The following CPPED1 variants were observed in gnomAD, a reference collection of about 807,000 sequenced individuals.
CPPED1 encodes calcineurin like phosphoesterase domain containing 1.
Under a neutral mutation model 28.0 loss-of-function variants are expected in CPPED1, and 28 were observed. That is an observed-to-expected ratio of 1.00 (90% CI 0.74 to 1.37). The LOEUF (loss-of-function observed/expected upper bound fraction) is 1.37. Ranked by LOEUF, CPPED1 falls within the 40% of genes most tolerant of loss-of-function variation. CPPED1 has a pLI of 0.00. For missense variants in CPPED1, 504 were observed against 416.5 expected, an observed-to-expected ratio of 1.21 and a Z score of -1.83; for synonymous variants, 198 against 180.2, an observed-to-expected ratio of 1.10 and a Z score of -0.79.
intron 2 of CPPED1, among the ~76,000 whole-genome samples, chr16:12,730,654 C>T (rs2080192441): frequency 6.6e-6 from 1 of 152,198 alleles, no homozygotes; most frequent in Non-Finnish European, 1.5e-5. Flanking sequence ...ACAGATGAAT[C>T]TCAGACATCA....
chr16:12,751,825 T>C (rs1384760882), intron 2 of CPPED1, among the ~76,000 whole-genome samples: 2 of 152,226 alleles, frequency 1.3e-5, no homozygotes, highest in African/African-American at 4.8e-5. Context: ...TGGTGTTTTT[T>C]TATGCTTTTC....
intron 2 of CPPED1, among the ~76,000 whole-genome samples, chr16:12,771,648 A>C (rs577458527): frequency 2.6e-5 from 4 of 152,362 alleles, no homozygotes; most frequent in Admixed American, 6.5e-5. Flanking sequence ...GTCTTGTACC[A>C]GAATTATGTT....
In CPPED1 at chr16:12,709,306, C is replaced by T. The variant is rs2080067770; in HGVS notation, c.290-4257G>A. 6.6e-6 allele frequency among the ~76,000 whole-genome samples: 1 copy of T among 152,034 alleles called. No homozygotes were observed. The highest frequency in any genetic ancestry group is 6.6e-5 in the Admixed American group (1 of 15,254). On this transcript the variant is annotated intron_variant, in intron 2 of 3. Coordinates refer to ENST00000381774, the MANE Select transcript of CPPED1 (RefSeq NM_018340.3). This position sits in a 1 kb window ranked among gnomAD's most constrained non-coding sequence, Gnocchi z 4.4. ...GGCAAGACATGACTCAGAAGAGGGG[C>T]AGAGAAGGATTGTTCTGGGGTCTCC...
intron 3 of CPPED1, among the ~76,000 whole-genome samples, chr16:12,688,079 C>G (rs11864667): frequency 0.015 from 2,245 of 150,956 alleles, 51 homozygotes; most frequent in African/African-American, 0.05. Context: ...TCCCAGGCTA[C>G]ACTGCAGTGG....
At chr16:12,719,340 G>A (rs1040804475) in intron 2 of CPPED1, among the ~76,000 whole-genome samples, 8 of 151,062 alleles carry the variant, frequency 5.3e-5, no homozygotes, top group Non-Finnish European at 8.8e-5. Flanking sequence ...GCAGTGAGCC[G>A]AGATAGCGCC....
chr16:12,720,037 CTG>C (rs1422531799), intron 2 of CPPED1, among the ~76,000 whole-genome samples: 8 of 152,190 alleles, frequency 5.3e-5, no homozygotes, highest in African/African-American at 1.7e-4. Context: ...ACACACCTAT[CTG>C]TTTTTATCAG....
chr16:12,681,921 G>A (rs373372641), intron 3 of CPPED1, among the ~76,000 whole-genome samples: 1 of 152,154 alleles, frequency 6.6e-6, no homozygotes, highest in East Asian at 1.9e-4. Context: ...GGGGCTAGAG[G>A]TGGCTGGCTG....
chr16:12,696,503 T>G (rs1461314473), intron 3 of CPPED1, among the ~76,000 whole-genome samples: 5 of 148,438 alleles, frequency 3.4e-5, no homozygotes, highest in Non-Finnish European at 7.4e-5. Context: ...TGCAGTGGCG[T>G]GATCTCGGCT....
chr16:12,739,425 C>T lies in CPPED1; in HGVS notation c.290-34376G>A, dbSNP rs111701595. ...TGAAACTCTGTCTCTACTAAAAATA[C>T]AAAATATTAGTTGGGCATGGTGGCA... On this transcript the variant is annotated intron_variant, in intron 2 of 3. Coordinates refer to ENST00000381774, the MANE Select transcript of CPPED1 (RefSeq NM_018340.3). Among the ~76,000 whole-genome samples, 1,000 of 152,110 alleles carry T rather than the reference C, an allele frequency of 6.6e-3. 5 individuals are homozygous for T. Among genetic ancestry groups the T allele is most frequent in the Middle Eastern group, 0.034 (10 of 294 alleles).
intron 2 of CPPED1, among the ~76,000 whole-genome samples, chr16:12,766,739 A>G (rs2080442119): frequency 1.3e-5 from 2 of 152,160 alleles, no homozygotes; most frequent in Non-Finnish European, 2.9e-5. Flanking sequence ...ACTGCACTCC[A>G]GCCTGGGTGA....
At chr16:12,757,640 C>A (rs924953996) in intron 2 of CPPED1, 1 of 137,036 alleles carries the variant, frequency 7.3e-6, no homozygotes, top group Admixed American at 8.5e-5. Context: ...CACTGGGGGC[C>A]TTAGCAGCGT....
At chr16:12,747,119 T>G (rs1422375831) in intron 2 of CPPED1, among the ~76,000 whole-genome samples, 1 of 151,838 alleles carries the variant, frequency 6.6e-6, no homozygotes, top group Non-Finnish European at 1.5e-5. Flanking sequence ...CATGGTAGGT[T>G]TGAATTCTAC....
Position 12,803,720 on chromosome 16 carries a change from G to T in CPPED1, c.57C>A (p.Ala19=), listed in dbSNP as rs1438960662. ...GGCGGGCAGTACCTGCGGGAAACGC[G>T]GCCAGGGTCCTGCCCCTGGCTCTGT... ...VFHRARGRTL[A]AFPAEKESEW... The change falls in exon 1 of 4, where the codon GCC becomes GCA. Residue 19 remains alanine, a synonymous_variant. Transcript: ENST00000381774. 1.3e-6 allele frequency: 2 copies of T among 1,581,048 alleles called. No individual in the cohort carries two copies. The highest frequency in any genetic ancestry group is 1.7e-6 in the Non-Finnish European group (2 of 1,165,152).
intron 2 of CPPED1, among the ~76,000 whole-genome samples, chr16:12,708,314 G>GT (rs2080062382): frequency 6.6e-6 from 1 of 152,092 alleles, no homozygotes; most frequent in Non-Finnish European, 1.5e-5. Flanking sequence ...ATGGCCTTAG[G>GT]TAAGTCCCTT....
rs147425897 is a variant in CPPED1, at chr16:12,664,444, C to T, written c.*442G>A. 317 of 1,007,902 alleles carry T rather than the reference C, an allele frequency of 3.1e-4. 3 individuals carry two copies. The African/African-American group carries it at 5.0e-3, about 16-fold the overall frequency. The allele number at this position is 1,007,902 out of a possible 1,614,324, so 62.4% of individuals were successfully genotyped here. A position where few individuals can be genotyped will look rare whatever the true frequency, so the allele number is the denominator to read the frequency against. ...AGGAGATGAACTTTGTTTTGCCTAG[C>T]GTTTTGGGAATCGTGACCACAATTT... On this transcript the variant is annotated 3_prime_UTR_variant, in exon 4 of 4. Coordinates refer to ENST00000381774, the MANE Select transcript of CPPED1 (RefSeq NM_018340.3). This position sits in a 1 kb window ranked among gnomAD's most constrained non-coding sequence, Gnocchi z 4.2.
chr16:12,775,330 C>T (rs1199946070), intron 2 of CPPED1, among the ~76,000 whole-genome samples: 1 of 152,148 alleles, frequency 6.6e-6, no homozygotes, highest in East Asian at 1.9e-4. Flanking sequence ...CCAGATATTC[C>T]ATTATAAGCA....
At chr16:12,669,580 G>A (rs1001125459) in intron 3 of CPPED1, among the ~76,000 whole-genome samples, 2 of 152,168 alleles carry the variant, frequency 1.3e-5, no homozygotes, top group Admixed American at 1.3e-4. Context: ...GATATCAGTG[G>A]TAATTCATGT....
intron 3 of CPPED1, among the ~76,000 whole-genome samples, chr16:12,694,568 A>G (rs1336457969): frequency 6.6e-6 from 1 of 152,062 alleles, no homozygotes; most frequent in Non-Finnish European, 1.5e-5. Flanking sequence ...TTAAATGACT[A>G]GTGTGTGATG....
intron 2 of CPPED1, among the ~76,000 whole-genome samples, chr16:12,736,676 C>G (rs1241881549): frequency 6.6e-6 from 1 of 152,180 alleles, no homozygotes; most frequent in Non-Finnish European, 1.5e-5. Context: ...ATTTGCTTAA[C>G]CATTATTTAC....
Sources: allele counts gnomAD v4.1 joint callset (sites outside exome capture counted in the v4.1 genomes callset), GRCh38; gene constraint gnomAD v4.1.1; non-coding constraint Gnocchi (gnomAD v3.1); transcripts MANE v1.5; gene names NCBI Gene and HGNC (gene_info 2026-07-23, HGNC 2026-07-21).